The following DNAH12 variants were observed in gnomAD, a reference collection of about 807,000 sequenced individuals.
The protein encoded by DNAH12 is axonemal beta dynein heavy chain 12.
DNAH12 carries 285 observed loss-of-function variants against 371.5 expected under a neutral mutation model. The ratio of observed to expected loss-of-function variants is 0.77; its 90% CI spans 0.70 to 0.85. DNAH12 has a LOEUF of 0.85. Among genes scored for constraint, DNAH12 ranks in the 40% least tolerant of loss-of-function variants. The probability of loss-of-function intolerance (pLI) is 0.00; values close to 1 mark genes in which losing one functional copy is unlikely to be tolerated. For missense variants in DNAH12, 3,611 were observed against 3,689.4 expected, an observed-to-expected ratio of 0.98 and a Z score of 0.55; for synonymous variants, 1,200 against 1,213.0, an observed-to-expected ratio of 0.99 and a Z score of 0.22.
chr3:57,475,358 A>C (rs970103059), intron 13 of DNAH12, among the ~76,000 whole-genome samples: 3 of 152,188 alleles, frequency 2.0e-5, no homozygotes, highest in South Asian at 2.1e-4. Flanking sequence ...GAGACAAAGA[A>C]AGAAAGAAAG....
At chr3:57,330,234 A>T (rs1314101734) in intron 62 of DNAH12, among the ~76,000 whole-genome samples, 1 of 151,596 alleles carries the variant, frequency 6.6e-6, no homozygotes, top group African/African-American at 2.4e-5. Context: ...AAGGACTATA[A>T]ATCATGCTGC....
intron 2 of DNAH12, among the ~76,000 whole-genome samples, chr3:57,540,013 A>G (rs1205452356): frequency 6.6e-6 from 1 of 151,990 alleles, no homozygotes; most frequent in African/African-American, 2.4e-5. Flanking sequence ...TCTCACTAGC[A>G]TACAAACAAC....
At chr3:57,438,918 C>CGGAAAAAAAAAAA (rs562343761) in intron 29 of DNAH12, among the ~76,000 whole-genome samples, 1 of 94,496 alleles carries the variant, frequency 1.1e-5, no homozygotes, top group Non-Finnish European at 2.0e-5. Context: ...CTGTCTCAGA[C>CGGAAAAAAAAAAA]AAAAAAAAAA....
chr3:57,299,453 TAGATC>T (rs1265125439), intron 70 of DNAH12, among the ~76,000 whole-genome samples: 1 of 152,042 alleles, frequency 6.6e-6, no homozygotes, highest in Non-Finnish European at 1.5e-5. Context: ...AGTTAAGTGT[TAGATC>T]AGGATTTATG....
At chr3:57,518,965 C>A (rs2068305985) in intron 4 of DNAH12, among the ~76,000 whole-genome samples, 1 of 152,098 alleles carries the variant, frequency 6.6e-6, no homozygotes, top group Non-Finnish European at 1.5e-5. Context: ...AAAGAGGAAC[C>A]TGTGGAGATG....
At chr3:57,315,875 T>C (rs1468627829) in intron 65 of DNAH12, among the ~76,000 whole-genome samples, 1 of 152,126 alleles carries the variant, frequency 6.6e-6, no homozygotes, top group Non-Finnish European at 1.5e-5. Flanking sequence ...AGGCTCCTGT[T>C]GCATCAGAGA....
At chr3:57,364,534 G>A (rs1487857774) in intron 57 of DNAH12, among the ~76,000 whole-genome samples, 1 of 151,234 alleles carries the variant, frequency 6.6e-6, no homozygotes, top group South Asian at 2.1e-4. Flanking sequence ...TTACATTTAA[G>A]TCTTTAATCC....
rs1253462344 is a variant in DNAH12 at position 57,443,135 on chromosome 3, A to G, written c.4545+1562T>C. ...ATTTATTATTTTTATTTTAAGATGGAGTCTTGCTCTGTCGCACAGGCTGGA... is the reference window on the plus strand; with the variant it reads ...ATTTATTATTTTTATTTTAAGATGGGGTCTTGCTCTGTCGCACAGGCTGGA... On this transcript the variant is annotated intron_variant, in intron 29 of 73. Transcript: ENST00000495027. Among the ~76,000 whole-genome samples, 3 of 152,146 alleles carry G rather than the reference A, an allele frequency of 2.0e-5. No individual in the cohort carries two copies. The East Asian group carries it at 5.8e-4, about 29-fold the overall frequency.
intron 22 of DNAH12, among the ~76,000 whole-genome samples, chr3:57,455,456 G>C (rs1163012755): frequency 1.3e-5 from 2 of 151,772 alleles, no homozygotes; most frequent in Non-Finnish European, 2.9e-5. Context: ...TGAAATCCCA[G>C]TTACTAAAGA....
chr3:57,401,829 CAGAAATA>C (rs2063878182), intron 43 of DNAH12, among the ~76,000 whole-genome samples: 1 of 151,816 alleles, frequency 6.6e-6, no homozygotes, highest in Non-Finnish European at 1.5e-5. Flanking sequence ...ACCAATGCCA[CAGAAATA>C]CAAAGAATTA....
chr3:57,471,086 T>G (rs1451581993), intron 15 of DNAH12, among the ~76,000 whole-genome samples: 1 of 151,948 alleles, frequency 6.6e-6, no homozygotes, highest in Non-Finnish European at 1.5e-5. Flanking sequence ...ACTCTACAAA[T>G]AGAGAACTGA....
chr3:57,417,116 G>T (rs946299388), intron 37 of DNAH12, among the ~76,000 whole-genome samples: 10 of 152,148 alleles, frequency 6.6e-5, no homozygotes, highest in Admixed American at 1.3e-4. Context: ...TGGGCATGGT[G>T]GCAAATGCCT....
At chr3:57,487,259 G>C (rs1012610884) in intron 12 of DNAH12, among the ~76,000 whole-genome samples, 3 of 126,258 alleles carry the variant, frequency 2.4e-5, no homozygotes, top group Non-Finnish European at 4.8e-5. Context: ...AACATGGCAA[G>C]ACCTTGTCTC....
intron 4 of DNAH12, among the ~76,000 whole-genome samples, chr3:57,511,335 G>A (rs1189135163): frequency 6.6e-6 from 1 of 152,048 alleles, no homozygotes; most frequent in Non-Finnish European, 1.5e-5. Flanking sequence ...TGGGTATATA[G>A]TAGCTGAACA....
intron 32 of DNAH12, among the ~76,000 whole-genome samples, chr3:57,431,067 C>T (rs1484735525): frequency 6.6e-6 from 1 of 152,206 alleles, no homozygotes; most frequent in Non-Finnish European, 1.5e-5. Flanking sequence ...TTCTACTGGA[C>T]ATGCTGGTCT....
intron 45 of DNAH12, among the ~76,000 whole-genome samples, chr3:57,388,004 G>A (rs1333394750): frequency 3.3e-5 from 5 of 151,904 alleles, no homozygotes; most frequent in South Asian, 2.1e-4. Context: ...ACTGGGAGAC[G>A]ATCACAATTT....
At chr3:57,542,215 T>A (rs1442447599) in intron 2 of DNAH12, among the ~76,000 whole-genome samples, 1 of 151,186 alleles carries the variant, frequency 6.6e-6, no homozygotes, top group African/African-American at 2.4e-5. Context: ...AGCAAAAAAA[T>A]TTCAAATATA....
At chr3:57,456,045 A>G (rs144790390) in intron 22 of DNAH12, among the ~76,000 whole-genome samples, 1 of 152,362 alleles carries the variant, frequency 6.6e-6, no homozygotes, top group East Asian at 1.9e-4. Flanking sequence ...GTATTATTAT[A>G]AAATGCTTCT....
At chr3:57,497,160 C>T (rs535636309) in intron 11 of DNAH12, among the ~76,000 whole-genome samples, 2 of 152,160 alleles carry the variant, frequency 1.3e-5, no homozygotes, top group Admixed American at 6.6e-5. Context: ...TTCAAGATGG[C>T]AGTTCTTTCC....
Sources: gnomAD v4.1 joint callset for allele counts (sites outside exome capture counted in the v4.1 genomes callset) on GRCh38, gnomAD v4.1.1 for gene constraint, MANE v1.5 for transcripts, NCBI Gene and HGNC (gene_info 2026-07-23, HGNC 2026-07-21) for gene names.